Variants in MAML1 observed in about 807,000 individuals in gnomAD.
MAML1 encodes mastermind-like protein 1.
A neutral mutation model predicts 77.1 loss-of-function variants in MAML1; 14 were observed. The ratio of observed to expected loss-of-function variants is 0.18; its 90% CI spans 0.12 to 0.28. The LOEUF (loss-of-function observed/expected upper bound fraction) is 0.28, where lower values mean the gene tolerates loss of function less well. Among genes scored for constraint, MAML1 ranks in the 10% least tolerant of loss-of-function variants. MAML1 has a pLI of 1.00. For synonymous variants in MAML1, 516 were observed against 551.9 expected (o/e 0.93, Z 0.91); for missense variants, 1,217 against 1,327.8 (o/e 0.92, Z 1.30).
rs558589991 is a variant in MAML1 at position 179,765,600 on chromosome 5, A to T, written c.590A>T (p.His197Leu). The change falls in exon 2 of 5, where the codon CAC becomes CTC. Residue 197 changes from histidine to leucine, a missense_variant. By Grantham distance (99) the His-to-Leu change is moderately conservative. Coordinates refer to ENST00000292599, the MANE Select transcript of MAML1 (RefSeq NM_014757.5). ...NKKRLADSSL[H>L]LNGGSNPSES... Reference sequence around the variant, plus strand: ...AAGCGTCTGGCTGACTCCAGCCTTCACTTGAATGGAGGCAGTAACCCCAGT... The same window carrying T: ...AAGCGTCTGGCTGACTCCAGCCTTCTCTTGAATGGAGGCAGTAACCCCAGT... The T allele has an allele frequency of 3.3e-4, 529 of 1,614,162 alleles. 9 individuals are homozygous for T. In the South Asian group the frequency reaches 5.5e-3, roughly 17 times the overall value.
chr5:179,753,184 AGTGTGTGTGTGTGT>A (rs59680995), intron 1 of MAML1, among the ~76,000 whole-genome samples: 1,841 of 120,580 alleles, frequency 0.015, 16 homozygotes, highest in Middle Eastern at 0.025. Context: ...GCTATTTTTT[AGTGTGTGTGTGTGT>A]GTGTGTGTGT....
Position 179,732,923 on chromosome 5 carries a change from A to C in MAML1, c.-190A>C, listed in dbSNP as rs987662037. ...AGGCCGAGGCTTGAGGTAGGCAGCAAGCGCCGGCTGGGGGTCGGGCCGAGC... is the reference window on the plus strand; with the variant it reads ...AGGCCGAGGCTTGAGGTAGGCAGCACGCGCCGGCTGGGGGTCGGGCCGAGC... On this transcript the variant is annotated 5_prime_UTR_variant, in exon 1 of 5. Coordinates refer to ENST00000292599, the MANE Select transcript of MAML1 (RefSeq NM_014757.5). 3.4e-6 allele frequency: 1 copy of C among 292,620 alleles called. No homozygotes were observed. Among genetic ancestry groups the C allele is most frequent in the East Asian group, 6.0e-5 (1 of 16,610 alleles). 18.1% of individuals were successfully genotyped at this position (292,620 alleles called of 1,614,324 possible). A position where few individuals can be genotyped will look rare whatever the true frequency, so the allele number is the denominator to read the frequency against.
intron 1 of MAML1, among the ~76,000 whole-genome samples, chr5:179,752,970 A>T (rs1237003899): frequency 6.6e-6 from 1 of 152,002 alleles, no homozygotes; most frequent in African/African-American, 2.4e-5. Context: ...ACAGGGTTTC[A>T]CCATGTTGGC....
intron 1 of MAML1, among the ~76,000 whole-genome samples, chr5:179,753,043 G>A (rs933586467): frequency 2.0e-5 from 3 of 152,204 alleles, no homozygotes; most frequent in Non-Finnish European, 4.4e-5. Flanking sequence ...AAAGTGCTGG[G>A]ATTACAGGCG....
intron 1 of MAML1, among the ~76,000 whole-genome samples, chr5:179,740,988 G>T (rs762530207): frequency 6.6e-6 from 1 of 152,086 alleles, no homozygotes; most frequent in Non-Finnish European, 1.5e-5. Context: ...CAAATCCCCA[G>T]TCCAGATCTG....
rs1049247361 is a variant in MAML1 at position 179,739,894 on chromosome 5, T to C, written c.315+6467T>C. Among the ~76,000 whole-genome samples, 4 of 152,166 alleles carry C rather than the reference T, an allele frequency of 2.6e-5. 1 individual carries two copies. The highest frequency in any genetic ancestry group is 5.9e-5 in the Non-Finnish European group (4 of 68,044). On this transcript the variant is annotated intron_variant, in intron 1 of 4. Transcript: ENST00000292599. ...CAGGGGTCTTAGAACCAATTCCCCATGGACACCAAGGGAACTGCTGTGTAC... is the reference window on the plus strand; with the variant it reads ...CAGGGGTCTTAGAACCAATTCCCCACGGACACCAAGGGAACTGCTGTGTAC...
chr5:179,744,072 CT>C (rs1222522571), intron 1 of MAML1, among the ~76,000 whole-genome samples: 1 of 152,136 alleles, frequency 6.6e-6, no homozygotes, highest in African/African-American at 2.4e-5. Flanking sequence ...AACTTGCATT[CT>C]TTTTACACTT....
Position 179,773,934 on chromosome 5 carries a change from C to A in MAML1, c.2108C>A (p.Pro703Gln). The A allele has an allele frequency of 6.2e-7, 1 of 1,614,230 alleles. No homozygotes were observed. Among genetic ancestry groups the A allele is most frequent in the Non-Finnish European group, 8.5e-7 (1 of 1,180,032 alleles). The change falls in exon 5 of 5, where the codon CCA becomes CAA. Residue 703 changes from proline (P) to glutamine (Q), a missense_variant. Pro to Gln is a moderately conservative substitution (Grantham distance 76, BLOSUM62 -1). Around this residue, in one of 3 missense-constraint regions of MAML1, gnomAD observed 884 missense variants for 949.3 expected, o/e 0.93. Coordinates refer to ENST00000292599, the MANE Select transcript of MAML1 (RefSeq NM_014757.5). ...AAVPGMNTLG[P>Q]SNSSCPRVFP... Reference sequence around the variant, plus strand: ...GTGCCCGGCATGAACACCTTGGGTCCATCCAACTCCAGCTGTCCTCGAGTG... The same window carrying A: ...GTGCCCGGCATGAACACCTTGGGTCAATCCAACTCCAGCTGTCCTCGAGTG...
chr5:179,766,432 C>G lies in MAML1; in HGVS notation c.1422C>G (p.Ser474=). Residue 474 remains serine (S), a synonymous_variant, in exon 2 of 5, where the codon TCC becomes TCG. Coordinates refer to ENST00000292599, the MANE Select transcript of MAML1 (RefSeq NM_014757.5). This position sits in a 1 kb window ranked among gnomAD's most constrained non-coding sequence, Gnocchi z 4.0. ...LLMMPSVNKS[S]PRPGGPYLQP... ...TGATGCCTAGTGTGAATAAGAGTTC[C>G]CCTCGGCCCGGAGGCCCCTACCTCC... 6.2e-7 allele frequency: 1 copy of G among 1,612,846 alleles called. No homozygotes were observed. The highest frequency in any genetic ancestry group is 1.1e-5 in the South Asian group (1 of 90,876).
At chr5:179,749,009 G>A (rs1012462367) in intron 1 of MAML1, among the ~76,000 whole-genome samples, 4 of 150,966 alleles carry the variant, frequency 2.6e-5, no homozygotes, top group South Asian at 2.1e-4. Context: ...TCTGTCGCCC[G>A]GGCTGGAATT....
intron 2 of MAML1, 82 bp from the exon 3 acceptor site, chr5:179,768,768 G>A (rs1779867298): frequency 1.3e-6 from 2 of 1,541,466 alleles, no homozygotes; most frequent in Non-Finnish European, 1.8e-6. Context: ...CTTCAAGAGA[G>A]TGAACCTTGA....
intron 1 of MAML1, among the ~76,000 whole-genome samples, chr5:179,757,557 G>A (rs541745758): frequency 5.2e-4 from 79 of 151,766 alleles, no homozygotes; most frequent in African/African-American, 1.8e-3. Flanking sequence ...GACAGAGTGA[G>A]ACTCCTCTCA....
intron 1 of MAML1, among the ~76,000 whole-genome samples, chr5:179,744,029 T>G (rs1430422418): frequency 6.6e-6 from 1 of 152,210 alleles, no homozygotes; most frequent in Non-Finnish European, 1.5e-5. Context: ...AAAGAATGCT[T>G]TAACAGAAAT....
intron 1 of MAML1, among the ~76,000 whole-genome samples, chr5:179,755,316 C>T (rs1242784076): frequency 6.6e-6 from 1 of 152,122 alleles, no homozygotes; most frequent in Non-Finnish European, 1.5e-5. Flanking sequence ...TTGACTGTAG[C>T]AGTGGGGGAG....
chr5:179,777,234 C>A lies in MAML1; in HGVS notation c.*2357C>A. 1.0e-6 allele frequency: 1 copy of A among 966,466 alleles called. No individual in the cohort carries two copies. The allele number at this position is 966,466 out of a possible 1,614,324, so 59.9% of individuals were successfully genotyped here. On this transcript the variant is annotated 3_prime_UTR_variant, in exon 5 of 5. Transcript: ENST00000292599. ...GGTATACACCAAAAAGAAATCTTTA[C>A]TTTCCTTGTTTTATCATTATAAAAA...
intron 1 of MAML1, among the ~76,000 whole-genome samples, chr5:179,749,025 G>A (rs1185794809): frequency 1.3e-5 from 2 of 151,958 alleles, no homozygotes; most frequent in East Asian, 3.9e-4. Context: ...GAATTCAGTG[G>A]CATGATCTTG....
intron 1 of MAML1, among the ~76,000 whole-genome samples, chr5:179,750,977 A>G (rs1344193222): frequency 6.6e-6 from 1 of 151,992 alleles, no homozygotes; most frequent in Non-Finnish European, 1.5e-5. Context: ...TTAGTTGTTC[A>G]AGGCTACTTT....
chr5:179,776,235 A>G lies in MAML1; in HGVS notation c.*1358A>G. The stretch of plus-strand genomic sequence containing the variant: ...ATGCTGAAAAGTGGCTCAGATGCAG[A>G]GTGTTCTGTGGAGAAACTGCAGCCC... On this transcript the variant is annotated 3_prime_UTR_variant, in exon 5 of 5. Coordinates refer to ENST00000292599, the MANE Select transcript of MAML1 (RefSeq NM_014757.5). 1.0e-6 allele frequency: 1 copy of G among 985,940 alleles called. No homozygotes were observed. Among genetic ancestry groups the G allele is most frequent in the African/African-American group, 1.7e-5 (1 of 57,380 alleles). The allele number at this position is 985,940 out of a possible 1,614,324, so 61.1% of individuals were successfully genotyped here.
chr5:179,776,625 A>G lies in MAML1; in HGVS notation c.*1748A>G. On this transcript the variant is annotated 3_prime_UTR_variant, in exon 5 of 5. Coordinates refer to ENST00000292599, the MANE Select transcript of MAML1 (RefSeq NM_014757.5). ...ATCTGAAGGGGAAGAGGGTGACCTC[A>G]GCGGCTTTTCTCCCAAAAATCGGCT... The G allele has an allele frequency of 2.0e-6, 2 of 985,676 alleles. No homozygotes were observed. The highest frequency in any genetic ancestry group is 2.4e-6 in the Non-Finnish European group (2 of 829,946). The allele number at this position is 985,676 out of a possible 1,614,324, so 61.1% of individuals were successfully genotyped here.
Sources: gnomAD v4.1 joint callset for allele counts (sites outside exome capture counted in the v4.1 genomes callset) on GRCh38, gnomAD v4.1.1 for gene constraint, gnomAD v4.1.1 regional missense constraint, Gnocchi (gnomAD v3.1) non-coding constraint, MANE v1.5 for transcripts, NCBI Gene and HGNC (gene_info 2026-07-23, HGNC 2026-07-21) for gene names.